Variants in CDK19 observed in about 807,000 individuals in gnomAD.
CDK19 encodes cyclin-dependent kinase 19.
In CDK19, 20 loss-of-function variants were observed where a neutral mutation model predicts 68.3. That is an observed-to-expected ratio of 0.29 (90% CI 0.21 to 0.43). The LOEUF is 0.43. Among genes scored for constraint, CDK19 ranks in the 20% least tolerant of loss-of-function variants. CDK19 has a pLI of 1.00. For synonymous variants in CDK19, 221 were observed against 222.8 expected (o/e 0.99, Z 0.07); for missense variants, 339 against 623.5 (o/e 0.54, Z 4.86).
chr6:110,683,637 T>C (rs1316303368), intron 2 of CDK19, among the ~76,000 whole-genome samples: 1 of 151,822 alleles, frequency 6.6e-6, no homozygotes, highest in Non-Finnish European at 1.5e-5. Flanking sequence ...TTGCGATAAA[T>C]AAGAAATTCA....
chr6:110,744,515 G>C (rs1224153763), intron 2 of CDK19, among the ~76,000 whole-genome samples: 1 of 152,040 alleles, frequency 6.6e-6, no homozygotes, highest in Admixed American at 6.6e-5. Flanking sequence ...CTGGGTGGCA[G>C]AGCAAGACCT....
chr6:110,743,899 A>G (rs1315767918), intron 2 of CDK19, among the ~76,000 whole-genome samples: 1 of 152,152 alleles, frequency 6.6e-6, no homozygotes, highest in African/African-American at 2.4e-5. Flanking sequence ...ATAGAAAAAT[A>G]GCCCACCAAT....
chr6:110,784,762 TACA>T lies in CDK19; in HGVS notation c.128+30244_128+30246del, dbSNP rs977505710. Among the ~76,000 whole-genome samples, 10 of 152,258 alleles carry T rather than the reference TACA, an allele frequency of 6.6e-5. No individual in the cohort carries two copies. In the East Asian group the frequency reaches 9.6e-4, roughly 15 times the overall value. On this transcript the variant is annotated intron_variant, in intron 1 of 12. Transcript: ENST00000368911. The stretch of plus-strand genomic sequence containing the variant: ...GTTCATCAGTTGATGAATGGATAAA[TACA>T]ACGTGATATATCCACACAGTCATCT...
chr6:110,714,888 C>G (rs775816739), intron 2 of CDK19, among the ~76,000 whole-genome samples: 2 of 151,960 alleles, frequency 1.3e-5, no homozygotes, highest in Admixed American at 6.6e-5. Flanking sequence ...CATGCGCCAC[C>G]ACGCCCGGCT....
chr6:110,670,635 T>C lies in CDK19; in HGVS notation c.205-94A>G, dbSNP rs924501569. 1.8e-5 allele frequency: 14 copies of C among 758,670 alleles called. No individual in the cohort carries two copies. In the African/African-American group the frequency reaches 2.1e-4, roughly 11 times the overall value. 47.0% of individuals were successfully genotyped at this position (758,670 alleles called of 1,614,324 possible). ...AACTTCAAAACGAAATTTCTGAAAA[T>C]CTAGAGAATCCAGGTAAGCAAAATG... is the stretch of plus-strand genomic sequence containing the variant. On this transcript the variant is annotated intron_variant, in intron 2 of 12. Transcript: ENST00000368911.
intron 2 of CDK19, among the ~76,000 whole-genome samples, chr6:110,688,898 A>G (rs1187599119): frequency 7.9e-5 from 12 of 152,202 alleles, no homozygotes; most frequent in Admixed American, 3.9e-4. Flanking sequence ...GGCCAGAACT[A>G]GGCGACGAGT....
At chr6:110,702,723 A>C (rs1047678661) in intron 2 of CDK19, among the ~76,000 whole-genome samples, 1 of 152,208 alleles carries the variant, frequency 6.6e-6, no homozygotes, top group Non-Finnish European at 1.5e-5. Context: ...ACATAATATT[A>C]AGTGATAAAG....
intron 2 of CDK19, among the ~76,000 whole-genome samples, chr6:110,675,444 A>G (rs1771428833): frequency 6.6e-6 from 1 of 152,048 alleles, no homozygotes; most frequent in Admixed American, 6.6e-5. Context: ...CCTGACCAAC[A>G]TGGAGAAATC....
At chr6:110,779,867 T>C (rs1780670098) in intron 1 of CDK19, among the ~76,000 whole-genome samples, 1 of 151,806 alleles carries the variant, frequency 6.6e-6, no homozygotes, top group Non-Finnish European at 1.5e-5. Flanking sequence ...GGCAGATTAC[T>C]TGAGGTCAGG....
intron 4 of CDK19, among the ~76,000 whole-genome samples, chr6:110,665,013 AG>A (rs1247741564): frequency 1.3e-5 from 2 of 152,228 alleles, no homozygotes; most frequent in Non-Finnish European, 2.9e-5. Flanking sequence ...GAAAGATGAC[AG>A]GGATAGAGAA....
At chr6:110,679,992 T>TAATG (rs915645955) in intron 2 of CDK19, among the ~76,000 whole-genome samples, 214 of 152,346 alleles carry the variant, frequency 1.4e-3, no homozygotes, top group African/African-American at 4.9e-3. Context: ...AAATAACCAG[T>TAATG]AATGGCCTGT....
At chr6:110,624,353 A>G (rs1435254629) in intron 8 of CDK19, among the ~76,000 whole-genome samples, 1 of 152,092 alleles carries the variant, frequency 6.6e-6, no homozygotes, top group Admixed American at 6.6e-5. Context: ...AATATACTAG[A>G]TATTTTTTCA....
At chr6:110,794,357 T>C (rs1202800133) in intron 1 of CDK19, among the ~76,000 whole-genome samples, 1 of 149,790 alleles carries the variant, frequency 6.7e-6, no homozygotes, top group Non-Finnish European at 1.5e-5. Flanking sequence ...TTCTTCCCAG[T>C]GTTAAATGAC....
intron 4 of CDK19, among the ~76,000 whole-genome samples, chr6:110,654,860 G>A (rs1662174971): frequency 6.6e-6 from 1 of 151,902 alleles, no homozygotes; most frequent in African/African-American, 2.4e-5. Context: ...AGAATCACTT[G>A]AACCCGGGAG....
At chr6:110,729,404 G>A (rs773563331) in intron 2 of CDK19, among the ~76,000 whole-genome samples, 22 of 151,630 alleles carry the variant, frequency 1.5e-4, no homozygotes, top group Middle Eastern at 6.3e-3. Context: ...AAAATTAAAC[G>A]GAGTTTATTT....
chr6:110,629,679 C>T (rs1431035336), intron 6 of CDK19, among the ~76,000 whole-genome samples: 1 of 152,068 alleles, frequency 6.6e-6, no homozygotes, highest in Admixed American at 6.6e-5. Context: ...TAACATGGAC[C>T]ATGTATGGAG....
chr6:110,702,141 A>T (rs1774065142), intron 2 of CDK19, among the ~76,000 whole-genome samples: 1 of 151,864 alleles, frequency 6.6e-6, no homozygotes, highest in Non-Finnish European at 1.5e-5. Flanking sequence ...ATTCTGTCTC[A>T]AAAAAATAAA....
At chr6:110,813,950 A>G (rs1783338790) in intron 1 of CDK19, 1 of 152,448 alleles carries the variant, frequency 6.6e-6, no homozygotes, top group African/African-American at 2.4e-5. Flanking sequence ...CTGGGTCCCT[A>G]GCTTTGGGGG....
At chr6:110,759,197 G>A (rs894331076) in intron 1 of CDK19, among the ~76,000 whole-genome samples, 14 of 150,670 alleles carry the variant, frequency 9.3e-5, no homozygotes, top group African/African-American at 2.4e-4. Context: ...TCAGGAGATC[G>A]AGACCATTCT....
Sources: allele counts gnomAD v4.1 joint callset (sites outside exome capture counted in the v4.1 genomes callset), GRCh38; gene constraint gnomAD v4.1.1; transcripts MANE v1.5; gene names NCBI Gene and HGNC (gene_info 2026-07-23, HGNC 2026-07-21).